Variants in SSUH2 observed in about 807,000 individuals in gnomAD.
SSUH2 encodes the protein protein SSUH2 homolog.
Under a neutral mutation model 55.3 loss-of-function variants are expected in SSUH2, and 47 were observed. The observed-to-expected ratio is 0.85, with a 90% CI of 0.67 to 1.08. SSUH2 has a LOEUF of 1.08. SSUH2 is among the 50% of genes least tolerant of loss of function. SSUH2 has a pLI of 0.00. For missense variants in SSUH2, 535 were observed against 490.7 expected (o/e 1.09, Z -0.85); for synonymous variants, 212 against 191.5 (o/e 1.11, Z -0.89).
intron 5 of SSUH2, among the ~76,000 whole-genome samples, chr3:8,664,476 ATT>A (rs113030578): frequency 7.2e-5 from 11 of 151,878 alleles, no homozygotes; most frequent in South Asian, 2.1e-4. Flanking sequence ...TTTCTGAGCA[ATT>A]TTTTTTTACC....
upstream of SSUH2, among the ~76,000 whole-genome samples, chr3:8,646,805 G>A (rs911357620): frequency 1.3e-5 from 2 of 152,190 alleles, no homozygotes; most frequent in Non-Finnish European, 2.9e-5. Flanking sequence ...TACTATCAAA[G>A]GAGGTTGGGA....
chr3:8,676,620 TCTATTATGGGGAGTCATATCTGC>T, intron 3 of SSUH2, among the ~76,000 whole-genome samples: 1 of 151,194 alleles, frequency 6.6e-6, no homozygotes, highest in Admixed American at 6.6e-5. Flanking sequence ...CACATCGTGC[TCTATTATGGGGAGTCATATCTGC>T]CTATTATGGG....
chr3:8,638,205 A>G (rs1194009810), intron 1 of SSUH2, among the ~76,000 whole-genome samples: 1 of 152,144 alleles, frequency 6.6e-6, no homozygotes, highest in Non-Finnish European at 1.5e-5. Flanking sequence ...CATTATCAGA[A>G]TTAAAGATCA....
intron 7 of SSUH2, 96 bp downstream of exon 7, chr3:8,629,568 G>T: frequency 1.9e-6 from 2 of 1,047,012 alleles, no homozygotes; most frequent in Non-Finnish European, 2.9e-6. Context: ...CACAGTTACT[G>T]CAGGGAGCCT....
At chr3:8,678,943 CTCCTGGCTCTTGGGACGCCCATCG>C (rs1705693894) in intron 2 of SSUH2, among the ~76,000 whole-genome samples, 2 of 112,798 alleles carry the variant, frequency 1.8e-5, no homozygotes, top group East Asian at 2.3e-4. Flanking sequence ...CACTCTTCCC[CTCCTGGCTCTTGGGACGCCCATCG>C]CAGGGCGGAG....
chr3:8,660,619 T>C (rs534966016), intron 6 of SSUH2, among the ~76,000 whole-genome samples: 1 of 152,330 alleles, frequency 6.6e-6, no homozygotes, highest in South Asian at 2.1e-4. Flanking sequence ...TTCCCTGGCT[T>C]CTTAAGTACA....
chr3:8,640,064 C>A (rs1700579014), intron 1 of SSUH2: 1 of 924,034 alleles, frequency 1.1e-6, no homozygotes, highest in Admixed American at 6.2e-5. Context: ...TGATGGTTGA[C>A]AGGGGCTGTG....
At chr3:8,635,217 A>T in intron 3 of SSUH2, 83 bp downstream of exon 3, 1 of 1,204,150 alleles carries the variant, frequency 8.3e-7, no homozygotes, top group Non-Finnish European at 1.2e-6. Flanking sequence ...AGGGATCCTG[A>T]TGCACTGCCA....
intron 9 of SSUH2, among the ~76,000 whole-genome samples, chr3:8,625,966 C>T (rs549903287): frequency 3.3e-5 from 5 of 152,342 alleles, no homozygotes; most frequent in Middle Eastern, 3.4e-3. Context: ...TCTATTCCTA[C>T]GGGAAGGGCT....
At chr3:8,630,175 T>C (rs1012101874) in intron 6 of SSUH2, among the ~76,000 whole-genome samples, 4 of 152,232 alleles carry the variant, frequency 2.6e-5, no homozygotes, top group African/African-American at 9.6e-5. Context: ...GAGAAAGGAA[T>C]AGAACACTTT....
chr3:8,648,987 G>A (rs1702062910), upstream of SSUH2, among the ~76,000 whole-genome samples: 1 of 152,092 alleles, frequency 6.6e-6, no homozygotes, highest in Admixed American at 6.5e-5. Flanking sequence ...ACCTGGCCAA[G>A]CCCTTCCCTG....
At chr3:8,648,570 C>G (rs181097149), upstream of SSUH2, among the ~76,000 whole-genome samples, 1 of 152,056 alleles carries the variant, frequency 6.6e-6, no homozygotes, top group Non-Finnish European at 1.5e-5. Flanking sequence ...GGTGCCCCCC[C>G]ATCCTGAAGT....
intron 1 of SSUH2, among the ~76,000 whole-genome samples, chr3:8,639,108 G>T (rs1700407361): frequency 6.6e-6 from 1 of 152,190 alleles, no homozygotes; most frequent in Non-Finnish European, 1.5e-5. Context: ...TAAGGAGGAG[G>T]TGTCGTTTCC....
Position 8,676,201 on chromosome 3 carries a change from C to T in SSUH2, c.-753+1005G>A, listed in dbSNP as rs146979073. Among the ~76,000 whole-genome samples the T allele has an allele frequency of 2.4e-3, 367 of 152,058 alleles. 6 individuals carry two copies. Among genetic ancestry groups the T allele is most frequent in the African/African-American group, 7.7e-3 (320 of 41,488 alleles). ...TGGAGATTATGAACTGTTTCACAGA[C>T]GGGTGTACACACTCGGTGTACAGAG... On this transcript the variant is annotated intron_variant, in intron 3 of 18. Transcript: ENST00000317371.
chr3:8,663,797 A>C (rs760618784), exon 6 of SSUH2: 6 of 456,602 alleles, frequency 1.3e-5, no homozygotes, highest in Non-Finnish European at 2.2e-5. Flanking sequence ...GGGGACACAC[A>C]GGTAACTGTA....
intron 4 of SSUH2, among the ~76,000 whole-genome samples, chr3:8,671,425 G>A (rs551113454): frequency 4.2e-4 from 64 of 152,106 alleles, no homozygotes; most frequent in African/African-American, 1.5e-3. Flanking sequence ...CGAGTAATTT[G>A]ACAAGGTGTA....
chr3:8,679,530 G>A (rs1361114569), intron 2 of SSUH2, among the ~76,000 whole-genome samples: 1 of 150,042 alleles, frequency 6.7e-6, no homozygotes, highest in Non-Finnish European at 1.5e-5. Context: ...GCAGGTAGGG[G>A]AGGCACCCTC....
intron 1 of SSUH2, among the ~76,000 whole-genome samples, chr3:8,642,829 T>G (rs1436513788): frequency 2.6e-5 from 4 of 152,210 alleles, no homozygotes; most frequent in Admixed American, 6.5e-5. Flanking sequence ...GCTCCCTTTC[T>G]GACACTTGGG....
intron 9 of SSUH2, 129 bp downstream of exon 9, chr3:8,626,100 C>T: frequency 1.4e-6 from 1 of 738,320 alleles, no homozygotes. Flanking sequence ...AATTCTCCCC[C>T]TTCTAAGTCC....
Sources: allele counts gnomAD v4.1 joint callset (sites outside exome capture counted in the v4.1 genomes callset), GRCh38; gene constraint gnomAD v4.1.1; transcripts MANE v1.5; gene names NCBI Gene and HGNC (gene_info 2026-07-23, HGNC 2026-07-21).